Variants in LTBP1 observed in about 807,000 individuals in gnomAD.
LTBP1 encodes latent-transforming growth factor beta-binding protein 1.
A neutral mutation model predicts 207.6 loss-of-function variants in LTBP1; 129 were observed. The observed-to-expected ratio is 0.62, with a 90% CI of 0.54 to 0.72. The LOEUF is 0.72. Ranked by LOEUF, LTBP1 falls within the 30% of genes least tolerant of loss-of-function variation. The probability of loss-of-function intolerance (pLI) is 0.00; values close to 1 mark genes in which losing one functional copy is unlikely to be tolerated. For missense variants in LTBP1, 2,281 were observed against 2,217.2 expected (o/e 1.03, Z -0.58); for synonymous variants, 963 against 833.7 (o/e 1.16, Z -2.67).
At chr2:33,206,705 C>T (rs905688353) in intron 7 of LTBP1, among the ~76,000 whole-genome samples, 1 of 149,684 alleles carries the variant, frequency 6.7e-6, no homozygotes, top group Non-Finnish European at 1.5e-5. Flanking sequence ...TGCCACTGCA[C>T]TCCAGCCTGG....
rs143946596 is a variant in LTBP1 at position 33,037,230 on chromosome 2, A to G, written c.863+16024A>G. Among the ~76,000 whole-genome samples the G allele has an allele frequency of 3.8e-3, 578 of 152,314 alleles. 5 individuals are homozygous for G. The highest frequency in any genetic ancestry group is 0.013 in the African/African-American group (561 of 41,562). ...ATATGTTTCATTCAAGTTTCTAAAT[A>G]TGTAAGTCTGTTTCTCCATCCTCTA... On this transcript the variant is annotated intron_variant, in intron 3 of 33. Coordinates refer to ENST00000404816, the MANE Select transcript of LTBP1 (RefSeq NM_206943.4).
At chr2:33,084,393 G>A (rs2078626513) in intron 3 of LTBP1, among the ~76,000 whole-genome samples, 1 of 152,186 alleles carries the variant, frequency 6.6e-6, no homozygotes, top group African/African-American at 2.4e-5. Flanking sequence ...GGGTTGGGAA[G>A]GTGCTGCTGG....
At chr2:33,111,336 G>T (rs960027521) in intron 4 of LTBP1, among the ~76,000 whole-genome samples, 1 of 152,166 alleles carries the variant, frequency 6.6e-6, no homozygotes, top group Non-Finnish European at 1.5e-5. Context: ...GTGATGATTT[G>T]TGGTTTAGGT....
intron 3 of LTBP1, among the ~76,000 whole-genome samples, chr2:33,089,008 T>C (rs938405044): frequency 2.0e-5 from 3 of 151,418 alleles, no homozygotes; most frequent in Non-Finnish European, 2.9e-5. Context: ...ATACAAAAAT[T>C]AGCCAGGTGT....
chr2:33,356,571 C>G (rs1214362099), intron 26 of LTBP1, among the ~76,000 whole-genome samples: 1 of 152,106 alleles, frequency 6.6e-6, no homozygotes, highest in Non-Finnish European at 1.5e-5. Context: ...CCCAGCTATT[C>G]AGGAGGCTGA....
chr2:33,299,886 C>T (rs937804361), intron 20 of LTBP1, among the ~76,000 whole-genome samples: 3 of 152,136 alleles, frequency 2.0e-5, no homozygotes, highest in African/African-American at 7.2e-5. Context: ...ATCACTTTCT[C>T]CTTTGGTATT....
At chr2:33,277,795 T>TTC (rs755630785) in intron 18 of LTBP1, among the ~76,000 whole-genome samples, 5 of 108,018 alleles carry the variant, frequency 4.6e-5, no homozygotes, top group South Asian at 5.6e-4. Flanking sequence ...CTTTCTTTCT[T>TTC]TCTCTCTCTC....
At chr2:32,956,905 T>C (rs1428027311) in intron 2 of LTBP1, among the ~76,000 whole-genome samples, 1 of 152,190 alleles carries the variant, frequency 6.6e-6, no homozygotes, top group Admixed American at 6.5e-5. Context: ...TCCACGTACA[T>C]CTCCATCACA....
intron 4 of LTBP1, among the ~76,000 whole-genome samples, chr2:33,128,584 G>A (rs1206672511): frequency 9.9e-5 from 15 of 152,224 alleles, no homozygotes; most frequent in Admixed American, 9.8e-4. Flanking sequence ...CTGAAAAAAT[G>A]TATCTTTTAA....
At chr2:33,392,445 A>C (rs4670491) in intron 32 of LTBP1, among the ~76,000 whole-genome samples, 9,907 of 152,250 alleles carry the variant, frequency 0.065, 505 homozygotes, top group Admixed American at 0.16. Flanking sequence ...TTGGCCTTCC[A>C]AAGTGCTGGG....
chr2:33,137,111 T>C (rs1343317408), intron 5 of LTBP1, among the ~76,000 whole-genome samples: 3 of 152,232 alleles, frequency 2.0e-5, no homozygotes, highest in Admixed American at 1.3e-4. Context: ...GGTAATTTTA[T>C]AGAACTTATA....
intron 10 of LTBP1, among the ~76,000 whole-genome samples, chr2:33,249,502 C>T (rs913053899): frequency 6.6e-6 from 1 of 152,034 alleles, no homozygotes; most frequent in African/African-American, 2.4e-5. Flanking sequence ...CTGAGGAACC[C>T]GAATAATAGT....
At chr2:33,206,511 C>A (rs978458220) in intron 7 of LTBP1, among the ~76,000 whole-genome samples, 8 of 151,970 alleles carry the variant, frequency 5.3e-5, no homozygotes, top group Non-Finnish European at 1.5e-5. Flanking sequence ...GAGGCCGAGG[C>A]GGGCGGATCA....
At chr2:33,129,438 T>A (rs2081627265) in intron 4 of LTBP1, among the ~76,000 whole-genome samples, 1 of 152,188 alleles carries the variant, frequency 6.6e-6, no homozygotes, top group South Asian at 2.1e-4. Context: ...TGTCCCACGG[T>A]GTCTCTTTCA....
chr2:32,950,507 C>T (rs1311142812), intron 2 of LTBP1, among the ~76,000 whole-genome samples: 3 of 150,222 alleles, frequency 2.0e-5, no homozygotes, highest in Non-Finnish European at 3.0e-5. Context: ...TGCAGTGAGC[C>T]GAGATCGCTC....
rs565496050 is a variant in LTBP1 at position 33,120,681 on chromosome 2, C to T, written c.1033+9930C>T. ...ACGTGCATGTGTCTTTAAGGTAGAACGATTTATATTCCTCTGGGTATATAT... is the reference window on the plus strand; with the variant it reads ...ACGTGCATGTGTCTTTAAGGTAGAATGATTTATATTCCTCTGGGTATATAT... On this transcript the variant is annotated intron_variant, in intron 4 of 33. Coordinates refer to ENST00000404816, the MANE Select transcript of LTBP1 (RefSeq NM_206943.4). Among the ~76,000 whole-genome samples the T allele has an allele frequency of 8.5e-5, 13 of 152,110 alleles. No homozygotes were observed. The South Asian group carries it at 2.1e-3, about 24-fold the overall frequency.
At chr2:33,225,118 A>G (rs999538529) in intron 9 of LTBP1, among the ~76,000 whole-genome samples, 3 of 152,068 alleles carry the variant, frequency 2.0e-5, no homozygotes, top group African/African-American at 4.8e-5. Flanking sequence ...TTTTAAAAAA[A>G]TTTCCTTTTA....
intron 4 of LTBP1, among the ~76,000 whole-genome samples, chr2:33,132,203 T>C (rs1177651227): frequency 6.6e-6 from 1 of 152,224 alleles, no homozygotes; most frequent in Non-Finnish European, 1.5e-5. Context: ...CAAAGTATCC[T>C]CAAGATATTT....
At chr2:33,354,771 T>C (rs1410209243) in intron 26 of LTBP1, among the ~76,000 whole-genome samples, 1 of 151,950 alleles carries the variant, frequency 6.6e-6, no homozygotes, top group Non-Finnish European at 1.5e-5. Flanking sequence ...AGACAGGATC[T>C]CGCTCTGTTG....
Sources: gnomAD v4.1 joint callset for allele counts (sites outside exome capture counted in the v4.1 genomes callset) on GRCh38, gnomAD v4.1.1 for gene constraint, MANE v1.5 for transcripts, NCBI Gene and HGNC (gene_info 2026-07-23, HGNC 2026-07-21) for gene names.